Variants in HBS1L observed in about 807,000 individuals in gnomAD.
HBS1L encodes the protein HBS1-like protein.
A neutral mutation model predicts 88.9 loss-of-function variants in HBS1L; 55 were observed. That is an observed-to-expected ratio of 0.62 (90% CI 0.50 to 0.77). The LOEUF is 0.77. Among genes scored for constraint, HBS1L ranks in the 30% least tolerant of loss-of-function variants. The pLI, the probability that HBS1L is intolerant of heterozygous loss-of-function variation, is 0.00. For missense variants in HBS1L, 741 were observed against 829.3 expected (o/e 0.89, Z 1.31); for synonymous variants, 267 against 288.5 (o/e 0.93, Z 0.76).
rs201200783 is a variant in HBS1L, at chr6:134,979,149, C to T, written c.1688+29G>A. 39 of 1,517,930 alleles carry T rather than the reference C, an allele frequency of 2.6e-5. No homozygotes were observed. The African/African-American group carries it at 3.6e-4, about 14-fold the overall frequency. 94.0% of individuals were successfully genotyped at this position (1,517,930 alleles called of 1,614,324 possible). On this transcript the variant is annotated intron_variant, in intron 14 of 17. Transcript: ENST00000367837. ...GAGGTGAGGTCCTATATGAAGACAA[C>T]GGTTGCTTAAACTCATTTTCTCACT...
intron 4 of HBS1L, chr6:135,037,518 T>C (rs1329636331): frequency 4.5e-6 from 7 of 1,550,548 alleles, no homozygotes; most frequent in Non-Finnish European, 6.1e-6. Context: ...AACTGTCCTG[T>C]ACTGGAATGT....
chr6:135,041,330 T>C (rs1010908052), intron 3 of HBS1L, among the ~76,000 whole-genome samples: 4 of 151,846 alleles, frequency 2.6e-5, no homozygotes, highest in Admixed American at 1.3e-4. Flanking sequence ...CAAAATAGTA[T>C]AGCTAGCTAG....
chr6:135,054,752 A>C lies in HBS1L; in HGVS notation c.-61T>G, dbSNP rs1176757739. 4 of 1,598,432 alleles carry C rather than the reference A, an allele frequency of 2.5e-6. No homozygotes were observed. The African/African-American group carries it at 5.4e-5, about 21-fold the overall frequency. ...TCCTTCCAAAACACTCCGCTTAGAT[A>C]CTGATAAGGCGCCAACTGCAGCCTG... On this transcript the variant is annotated 5_prime_UTR_variant, in exon 1 of 18. Transcript: ENST00000367837.
Position 135,053,134 on chromosome 6 carries a change from G to A in HBS1L, c.43+1515C>T, listed in dbSNP as rs138169666. Among the ~76,000 whole-genome samples the A allele has an allele frequency of 4.8e-3, 736 of 152,248 alleles. 5 individuals carry two copies. The highest frequency in any genetic ancestry group is 0.016 in the African/African-American group (681 of 41,542). On this transcript the variant is annotated intron_variant, in intron 1 of 17. Transcript: ENST00000367837. ...TGACAACCTAACCTCAAGAAGCCAA[G>A]GTGCTCCCTGAGGCCAACCACCTCT... is the stretch of plus-strand genomic sequence containing the variant.
At chr6:135,010,278 A>C (rs1186774440) in intron 4 of HBS1L, among the ~76,000 whole-genome samples, 1 of 152,162 alleles carries the variant, frequency 6.6e-6, no homozygotes, top group Non-Finnish European at 1.5e-5. Context: ...GACTGAGTTT[A>C]CCCCATCTGA....
At chr6:135,021,213 TGTAAA>T (rs2114855931) in intron 4 of HBS1L, among the ~76,000 whole-genome samples, 1 of 152,194 alleles carries the variant, frequency 6.6e-6, no homozygotes, top group Admixed American at 6.5e-5. Flanking sequence ...GTACATTTGG[TGTAAA>T]GTACTCATTA....
intron 8 of HBS1L, among the ~76,000 whole-genome samples, chr6:134,993,515 T>C (rs181342585): frequency 7.9e-4 from 121 of 152,292 alleles, no homozygotes; most frequent in African/African-American, 2.8e-3. Flanking sequence ...ACTTTTACGA[T>C]AAAGAAACTC....
chr6:134,994,443 C>T (rs770918074), intron 7 of HBS1L, among the ~76,000 whole-genome samples: 11 of 152,112 alleles, frequency 7.2e-5, no homozygotes, highest in Non-Finnish European at 1.3e-4. Flanking sequence ...TGGAGACCAA[C>T]ATAGTGCCTT....
chr6:135,050,993 C>T (rs538302872), intron 1 of HBS1L, among the ~76,000 whole-genome samples: 6 of 152,206 alleles, frequency 3.9e-5, no homozygotes, highest in African/African-American at 1.4e-4. Context: ...TTTGGGAGGC[C>T]GAGGTAGGTG....
chr6:135,006,003 C>G (rs2114824002), intron 4 of HBS1L, among the ~76,000 whole-genome samples: 1 of 152,198 alleles, frequency 6.6e-6, no homozygotes, highest in Admixed American at 6.5e-5. Context: ...GTATTGAGGG[C>G]CCATTTAAGA....
At chr6:135,028,048 G>A (rs1013083937) in intron 4 of HBS1L, among the ~76,000 whole-genome samples, 5 of 152,100 alleles carry the variant, frequency 3.3e-5, no homozygotes, top group African/African-American at 1.2e-4. Flanking sequence ...ATACAGGCAT[G>A]AGCCACCGCG....
At chr6:135,017,319 T>G (rs1263534409) in intron 4 of HBS1L, among the ~76,000 whole-genome samples, 2 of 152,160 alleles carry the variant, frequency 1.3e-5, no homozygotes, top group African/African-American at 4.8e-5. Context: ...GGGTACTAGT[T>G]AATAAAAACT....
intron 5 of HBS1L, among the ~76,000 whole-genome samples, chr6:134,999,581 G>A (rs1351492935): frequency 6.6e-6 from 1 of 151,240 alleles, no homozygotes; most frequent in Admixed American, 6.6e-5. Context: ...CTGAGTAGCT[G>A]GGATTACAGG....
At chr6:135,052,114 CATGCAGCAGGA>C (rs2114933460) in intron 1 of HBS1L, among the ~76,000 whole-genome samples, 1 of 152,292 alleles carries the variant, frequency 6.6e-6, no homozygotes, top group African/African-American at 2.4e-5. Flanking sequence ...TGAGGGTATT[CATGCAGCAGGA>C]ACAGCATGCT....
chr6:135,013,570 T>C (rs1385437025), intron 4 of HBS1L, among the ~76,000 whole-genome samples: 1 of 152,166 alleles, frequency 6.6e-6, no homozygotes, highest in Non-Finnish European at 1.5e-5. Flanking sequence ...ATCATACTTT[T>C]AAAACTTACT....
At chr6:134,975,936 T>G (rs931373850) in intron 15 of HBS1L, among the ~76,000 whole-genome samples, 3 of 152,072 alleles carry the variant, frequency 2.0e-5, no homozygotes, top group Non-Finnish European at 2.9e-5. Flanking sequence ...AAAGAGCTAG[T>G]GCACAGCAAA....
chr6:134,974,712 C>G (rs987168653), intron 15 of HBS1L, among the ~76,000 whole-genome samples: 1 of 150,990 alleles, frequency 6.6e-6, no homozygotes, highest in East Asian at 1.9e-4. Flanking sequence ...AATCCAGGAT[C>G]CCTTAATGAT....
rs777448800 is a variant in HBS1L at position 135,039,703 on chromosome 6, T to C, written c.300A>G (p.Ile100Met). ...TGTTCTTCAGAACTGCTTCAATTAA[T>C]ATTTCATCTGGCACAGCATCTCCAA... ...EVLGDAVPDE[I>M]LIEAVLKNKF... The change falls in exon 4 of 18, where the codon ATA (isoleucine) becomes ATG (methionine). Residue 100 changes from isoleucine to methionine, a missense_variant. This residue lies in a region of HBS1L where 556 missense variants were observed against 598.4 expected (regional missense o/e 0.93). Transcript: ENST00000367837. 3.1e-6 allele frequency: 5 copies of C among 1,614,068 alleles called. No individual in the cohort carries two copies. The highest frequency in any genetic ancestry group is 4.2e-6 in the Non-Finnish European group (5 of 1,180,002).
chr6:134,970,148 T>C (rs917491107), intron 15 of HBS1L, among the ~76,000 whole-genome samples: 2 of 152,150 alleles, frequency 1.3e-5, no homozygotes, highest in Admixed American at 6.5e-5. Context: ...TTTGTTTTTT[T>C]TGGAAGCGGA....
Sources: allele counts gnomAD v4.1 joint callset (sites outside exome capture counted in the v4.1 genomes callset), GRCh38; gene constraint gnomAD v4.1.1; regional missense constraint gnomAD v4.1.1; transcripts MANE v1.5; gene names NCBI Gene and HGNC (gene_info 2026-07-23, HGNC 2026-07-21).